The following CANX variants were observed in gnomAD, a reference collection of about 807,000 sequenced individuals.
CANX encodes the protein calnexin.
A neutral mutation model predicts 75.7 loss-of-function variants in CANX; 14 were observed. The ratio of observed to expected loss-of-function variants is 0.19; its 90% CI spans 0.12 to 0.29. The LOEUF (loss-of-function observed/expected upper bound fraction) is 0.29, where lower values mean the gene tolerates loss of function less well. Among genes scored for constraint, CANX ranks in the 10% least tolerant of loss-of-function variants. The pLI, the probability that CANX is intolerant of heterozygous loss-of-function variation, is 1.00. For synonymous variants in CANX, 227 were observed against 236.9 expected, an observed-to-expected ratio of 0.96 and a Z score of 0.38; for missense variants, 567 against 713.2, an observed-to-expected ratio of 0.79 and a Z score of 2.34.
chr5:179,719,873 G>A, intron 9 of CANX, 92 bp downstream of exon 9: 1 of 707,958 alleles, frequency 1.4e-6, no homozygotes, highest in Non-Finnish European at 2.4e-6. Flanking sequence ...CCAGGCTGGA[G>A]TTCAGTGGCG....
At chr5:179,706,436 T>C in intron 3 of CANX, 105 bp downstream of exon 3, 1 of 550,424 alleles carries the variant, frequency 1.8e-6, no homozygotes, top group Non-Finnish European at 3.2e-6. Flanking sequence ...TGTCTAACTT[T>C]ATTTTATTTT....
At chr5:179,690,867 C>A (rs954880738) in intron 1 of CANX, among the ~76,000 whole-genome samples, 1 of 150,844 alleles carries the variant, frequency 6.6e-6, no homozygotes, top group African/African-American at 2.4e-5. Flanking sequence ...CCAGCCTGGG[C>A]GACAGAGTGA....
intron 1 of CANX, chr5:179,704,266 T>C (rs2113123290): frequency 6.6e-6 from 1 of 152,126 alleles, no homozygotes; most frequent in Admixed American, 6.6e-5. Context: ...GGTGGCTCAC[T>C]CCTGTAATCC....
rs71591440 is a variant in CANX at position 179,710,707 on chromosome 5, C to CAA, written c.721+657_721+658dup. Reference sequence around the variant, plus strand: ...TAGGAGACAGAGCAAGACTCCATCTCAAAAAAAAAAAAAAAAGATTGTATA... The same window carrying CAA: ...TAGGAGACAGAGCAAGACTCCATCTCAAAAAAAAAAAAAAAAAAGATTGTATA... On this transcript the variant is annotated intron_variant, in intron 7 of 14. Transcript: ENST00000247461. 7.3e-4 allele frequency among the ~76,000 whole-genome samples: 20 copies of CAA among 27,374 alleles called. 2 individuals carry two copies. The South Asian group carries it at 0.014, about 19-fold the overall frequency. 18.0% of individuals were successfully genotyped at this position (27,374 alleles called of 152,430 possible).
intron 7 of CANX, among the ~76,000 whole-genome samples, chr5:179,712,528 C>T (rs1233503348): frequency 6.6e-6 from 1 of 151,942 alleles, no homozygotes; most frequent in Non-Finnish European, 1.5e-5. Flanking sequence ...AAGCGATTCT[C>T]CTGCCTTGGC....
At chr5:179,680,928 C>A in intron 1 of CANX, 1 of 1,536,230 alleles carries the variant, frequency 6.5e-7, no homozygotes, top group Non-Finnish European at 8.7e-7. Context: ...TCCAGGCCCA[C>A]CCTTGAGATT....
At chr5:179,705,876 T>C (rs750481192) in intron 2 of CANX, 24 bp downstream of exon 2, 1 of 1,599,520 alleles carries the variant, frequency 6.3e-7, no homozygotes, top group African/African-American at 1.3e-5. Context: ...TTTGAATCTA[T>C]TCCTTTTACG....
chr5:179,708,280 G>A lies in CANX; in HGVS notation c.346G>A (p.Gly116Ser), dbSNP rs1425441266. ...GGAAATGAAGGAGTCAAAGCTTCCA[G>A]GTGATAAAGGACTTGTGTTGATGTC... ...VEEMKESKLP[G>S]DKGLVLMSRA... The change falls in exon 5 of 15, where the codon GGT becomes AGT. Residue 116 changes from glycine to serine, a missense_variant. This residue lies in a region of CANX where 351 missense variants were observed against 433.8 expected (regional missense o/e 0.81). Transcript: ENST00000247461. The A allele has an allele frequency of 6.2e-7, 1 of 1,613,660 alleles. No homozygotes were observed. Among genetic ancestry groups the A allele is most frequent in the South Asian group, 1.1e-5 (1 of 91,076 alleles).
chr5:179,698,446 G>A (rs1554142237), upstream of CANX: 3 of 1,286,392 alleles, frequency 2.3e-6, no homozygotes, highest in South Asian at 2.5e-5. Context: ...AGGCGCTCGC[G>A]CTGGGTTCTG....
Position 179,716,164 on chromosome 5 carries a change from A to T in CANX, c.781A>T (p.Asn261Tyr). 6.2e-7 allele frequency: 1 copy of T among 1,613,312 alleles called. No homozygotes were observed. Among genetic ancestry groups the T allele is most frequent in the South Asian group, 1.1e-5 (1 of 91,066 alleles). Reference protein sequence around the residue: ...LVDQSVVNSGNLLNDMTPPVN... With the variant: ...LVDQSVVNSGYLLNDMTPPVN... ...TGACCAATCTGTGGTGAATAGTGGA[A>T]ATCTGCTCAATGACATGACTCCTCC... The change falls in exon 8 of 15, where the codon AAT becomes TAT. Residue 261 changes from asparagine to tyrosine, a missense_variant. By Grantham distance (143) the Asn-to-Tyr change is moderately radical. Coordinates refer to ENST00000247461, the MANE Select transcript of CANX (RefSeq NM_001746.4).
chr5:179,726,181 C>T (rs554769758), intron 13 of CANX, among the ~76,000 whole-genome samples: 106 of 150,906 alleles, frequency 7.0e-4, no homozygotes, highest in African/African-American at 2.3e-3. Context: ...CCGGCTACTC[C>T]GGAGGCTGAG....
At chr5:179,696,267 CTTTTTTTTTTTTTTT>C (rs34048949), upstream of CANX, among the ~76,000 whole-genome samples, 4 of 56,736 alleles carry the variant, frequency 7.1e-5, 1 homozygote, top group East Asian at 1.4e-3. Flanking sequence ...AGTGTCATTT[CTTTTTTTTTTTTTTT>C]TTTTTTTTTT....
upstream of CANX, among the ~76,000 whole-genome samples, chr5:179,698,211 C>T (rs1329422789): frequency 6.6e-6 from 1 of 152,246 alleles, no homozygotes; most frequent in African/African-American, 2.4e-5. Context: ...CTTTCCATGG[C>T]ACCATCCTTT....
chr5:179,690,410 T>C (rs1246748815), intron 1 of CANX, among the ~76,000 whole-genome samples: 1 of 150,610 alleles, frequency 6.6e-6, no homozygotes, highest in Non-Finnish European at 1.5e-5. Context: ...ACCCCGTCTG[T>C]ACTTAAAATA....
In CANX at chr5:179,715,585, T is replaced by G. The variant is rs1777886138; in HGVS notation, c.722-520T>G. Among the ~76,000 whole-genome samples the G allele has an allele frequency of 3.9e-5, 6 of 152,332 alleles. No individual in the cohort carries two copies. The South Asian group carries it at 1.2e-3, about 32-fold the overall frequency. The stretch of plus-strand genomic sequence containing the variant: ...AAAAATGCTTTTATGGATTTAAAAT[T>G]GTTTTTTCATTCTCCATGGGAGTTA... On this transcript the variant is annotated intron_variant, in intron 7 of 14. Transcript: ENST00000247461.
chr5:179,684,926 ATTT>A (rs71001039), intron 1 of CANX, among the ~76,000 whole-genome samples: 29 of 49,136 alleles, frequency 5.9e-4, no homozygotes, highest in Admixed American at 1.0e-3. Context: ...CTAATTTTGT[ATTT>A]TTTTTTTTTT....
intron 1 of CANX, among the ~76,000 whole-genome samples, chr5:179,703,686 T>A (rs1776926346): frequency 6.6e-6 from 1 of 151,924 alleles, no homozygotes; most frequent in Non-Finnish European, 1.5e-5. Context: ...ATGTTTATGT[T>A]GGCCAGGCTG....
chr5:179,715,814 TG>T (rs1777906756), intron 7 of CANX: 1 of 426,614 alleles, frequency 2.3e-6, no homozygotes, highest in African/African-American at 2.0e-5. Context: ...TGTAGTTTCT[TG>T]TTTTTTTTGT....
intron 7 of CANX, among the ~76,000 whole-genome samples, chr5:179,714,766 C>T (rs1311817921): frequency 5.3e-5 from 8 of 152,264 alleles, no homozygotes; most frequent in Non-Finnish European, 1.2e-4. Flanking sequence ...ATTCGCCCGT[C>T]TCGGCCTCCC....
Sources: allele counts gnomAD v4.1 joint callset (sites outside exome capture counted in the v4.1 genomes callset), GRCh38; gene constraint gnomAD v4.1.1; regional missense constraint gnomAD v4.1.1; transcripts MANE v1.5; gene names NCBI Gene and HGNC (gene_info 2026-07-23, HGNC 2026-07-21).